Variants in MLX observed in about 807,000 individuals in gnomAD.
The protein encoded by MLX is MAX dimerization protein MLX.
In MLX, 15 loss-of-function variants were observed where a neutral mutation model predicts 33.0. The observed-to-expected ratio is 0.45, with a 90% CI of 0.30 to 0.70. The LOEUF is 0.70. MLX is among the 30% of genes least tolerant of loss of function. MLX has a pLI of 0.07. For synonymous variants in MLX, 115 were observed against 115.6 expected, an observed-to-expected ratio of 0.99 and a Z score of 0.03; for missense variants, 285 against 306.3, an observed-to-expected ratio of 0.93 and a Z score of 0.52.
chr17:42,572,587 C>T lies in MLX; in HGVS notation c.*984C>T. On this transcript the variant is annotated 3_prime_UTR_variant, in exon 8 of 8. Transcript: ENST00000435881. ...TCGTTTTATAGCAACCTCTCTCTACCCTAGTTCTCCAAATTCACTTCTGCC... is the reference window on the plus strand; with the variant it reads ...TCGTTTTATAGCAACCTCTCTCTACTCTAGTTCTCCAAATTCACTTCTGCC... The T allele has an allele frequency of 4.4e-6, 2 of 453,184 alleles. No individual in the cohort carries two copies. The highest frequency in any genetic ancestry group is 8.8e-6 in the Non-Finnish European group (2 of 226,216). 28.1% of individuals were successfully genotyped at this position (453,184 alleles called of 1,614,324 possible).
chr17:42,571,434 G>C, intron 7 of MLX, 113 bp from the exon 8 acceptor site: 1 of 1,177,490 alleles, frequency 8.5e-7, no homozygotes. Context: ...GCCCCCGGGG[G>C]GCTATTTTTA....
intron 7 of MLX, among the ~76,000 whole-genome samples, chr17:42,571,083 A>G (rs8074485): frequency 0.044 from 6,695 of 150,676 alleles, 517 homozygotes; most frequent in African/African-American, 0.16. Flanking sequence ...CCATCTCTCC[A>G]TCTTGCTTCA....
At position 42,567,152 on chromosome 17, in the gene MLX, G is replaced by A; in HGVS notation, c.28G>A (p.Asp10Asn). The A allele has an allele frequency of 7.9e-7, 1 of 1,268,786 alleles. No homozygotes were observed. The highest frequency in any genetic ancestry group is 9.9e-7 in the Non-Finnish European group (1 of 1,007,056). The allele number at this position is 1,268,786 out of a possible 1,614,324, so 78.6% of individuals were successfully genotyped here. Residue 10 changes from aspartate to asparagine, a missense_variant, in exon 1 of 8, where the codon GAC becomes AAC. Coordinates refer to ENST00000435881, the MANE Select transcript of MLX (RefSeq NM_198204.2). ...GACGGAGCCGGGCGCCTCTCCCGAGGACCCTTGGGTCAAGGCAAGCCCCGT... is the reference window on the plus strand; with the variant it reads ...GACGGAGCCGGGCGCCTCTCCCGAGAACCCTTGGGTCAAGGCAAGCCCCGT... MTEPGASPE[D>N]PWVKVEYAYS...
At position 42,569,709 on chromosome 17, in the gene MLX, ACT is replaced by A. The variant is rs1338046594; in HGVS notation, c.476+106_476+107del. On this transcript the variant is annotated intron_variant, in intron 6 of 7. Coordinates refer to ENST00000435881, the MANE Select transcript of MLX (RefSeq NM_198204.2). ...CATCAGTTACTGCTGTACAGATAATACTCTTAGTTCCTGAGCTAGCCAGTAGG... is the reference window on the plus strand; with the variant it reads ...CATCAGTTACTGCTGTACAGATAATACTTAGTTCCTGAGCTAGCCAGTAGG... 30 of 920,546 alleles carry A rather than the reference ACT, an allele frequency of 3.3e-5. No individual in the cohort carries two copies. In the Admixed American group the frequency reaches 4.2e-4, roughly 13 times the overall value. The allele number at this position is 920,546 out of a possible 1,614,324, so 57.0% of individuals were successfully genotyped here. A position where few individuals can be genotyped will look rare whatever the true frequency, so the allele number is the denominator to read the frequency against.
chr17:42,568,496 G>T lies in MLX; in HGVS notation c.106G>T (p.Gly36Trp). 2 of 1,613,962 alleles carry T rather than the reference G, an allele frequency of 1.2e-6. No individual in the cohort carries two copies. The highest frequency in any genetic ancestry group is 1.1e-5 in the South Asian group (1 of 91,052). ...PGLFVESTRK[G>W]SVVSRANSIG... ...GCTTTTTGTAGAAAGCACCCGCAAG[G>T]GGAGTGTAGTGTCCAGAGCTAATAG... Residue 36 changes from glycine (G) to tryptophan (W), a missense_variant, in exon 3 of 8, where the codon GGG becomes TGG. Transcript: ENST00000435881.
At position 42,568,557 on chromosome 17, in the gene MLX, CAGGT is replaced by C; in HGVS notation, c.169+2_169+5del. 6.2e-7 allele frequency: 1 copy of C among 1,612,866 alleles called. No individual in the cohort carries two copies. The highest frequency in any genetic ancestry group is 8.5e-7 in the Non-Finnish European group (1 of 1,178,950). On this transcript the variant is annotated splice_donor_variant and coding_sequence_variant, in exon 3 of 8. Transcript: ENST00000435881. LOFTEE classifies it high-confidence loss of function. ...ACCAGTGCCTCTTCTGTCCCCAACA[CAGGT>C]AGGCAGTAACATCCCCCCCGACCTC...
At chr17:42,568,376 T>G (rs1405416835) in intron 2 of MLX, 94 bp from the exon 3 acceptor site, 5 of 831,212 alleles carry the variant, frequency 6.0e-6, no homozygotes, top group Non-Finnish European at 7.8e-6. Flanking sequence ...AAAAAATAAA[T>G]AAATAAAAGA....
At chr17:42,568,317 C>T (rs1397338853) in intron 2 of MLX, 153 bp from the exon 3 acceptor site, 4 of 426,210 alleles carry the variant, frequency 9.4e-6, no homozygotes, top group South Asian at 8.1e-5. Context: ...GAGCCGAGAT[C>T]GCGCCACTGC....
At chr17:42,570,669 T>A (rs1181196476) in intron 7 of MLX, among the ~76,000 whole-genome samples, 3 of 152,222 alleles carry the variant, frequency 2.0e-5, no homozygotes, top group Non-Finnish European at 4.4e-5. Flanking sequence ...ACATTTTTTT[T>A]TTTGAGACGG....
Position 42,569,303 on chromosome 17 carries a change from A to C in MLX, c.376A>C (p.Thr126Pro), listed in dbSNP as rs779900314. ...KLSKAIVLQK[T>P]IDYIQFLHKE... ...CAGCAAAGCCATCGTTCTACAAAAGAGTATGGCTAGGGAAAGCACTGGAGG... is the reference window on the plus strand; with the variant it reads ...CAGCAAAGCCATCGTTCTACAAAAGCGTATGGCTAGGGAAAGCACTGGAGG... The change falls in exon 5 of 8, where the codon ACC becomes CCC. Residue 126 changes from threonine to proline, a missense_variant and splice_region_variant. Physicochemically the swap from Thr to Pro is conservative, Grantham distance 38 (BLOSUM62 -1). Coordinates refer to ENST00000435881, the MANE Select transcript of MLX (RefSeq NM_198204.2). The C allele has an allele frequency of 4.3e-6, 7 of 1,613,606 alleles. No individual in the cohort carries two copies. The highest frequency in any genetic ancestry group is 5.9e-6 in the Non-Finnish European group (7 of 1,179,556).
chr17:42,569,836 C>A, intron 6 of MLX, 146 bp from the exon 7 acceptor site: 2 of 787,206 alleles, frequency 2.5e-6, no homozygotes, highest in Admixed American at 2.3e-5. Flanking sequence ...CCTTTCCTGA[C>A]CTGGAAGCAG....
At position 42,573,158 on chromosome 17, in the gene MLX, C is replaced by T. The variant is rs774226501; in HGVS notation, c.*1555C>T. 34 of 1,614,110 alleles carry T rather than the reference C, an allele frequency of 2.1e-5. No individual in the cohort carries two copies. The highest frequency in any genetic ancestry group is 2.7e-5 in the Non-Finnish European group (32 of 1,180,046). On this transcript the variant is annotated 3_prime_UTR_variant, in exon 8 of 8. Coordinates refer to ENST00000435881, the MANE Select transcript of MLX (RefSeq NM_198204.2). ...ATCCTTCAAGTATTGCATCAGACAG[C>T]TCTGTAGCCTGACAAGAAATAAAAC... is the stretch of plus-strand genomic sequence containing the variant.
At chr17:42,570,803 G>T (rs1050818263) in intron 7 of MLX, among the ~76,000 whole-genome samples, 2 of 152,028 alleles carry the variant, frequency 1.3e-5, no homozygotes, top group Non-Finnish European at 2.9e-5. Flanking sequence ...CTACAGGCGT[G>T]TGCCACCATA....
chr17:42,568,356 C>G, intron 2 of MLX, 114 bp from the exon 3 acceptor site: 1 of 698,120 alleles, frequency 1.4e-6, no homozygotes, highest in Admixed American at 2.5e-5. Context: ...GAGCGAGACT[C>G]TGTCTAAAAA....
chr17:42,571,959 G>C lies in MLX; in HGVS notation c.*356G>C, dbSNP rs146529090. 1.0e-4 allele frequency: 30 copies of C among 293,686 alleles called. No homozygotes were observed. The highest frequency in any genetic ancestry group is 4.0e-4 in the African/African-American group (18 of 45,560). The allele number at this position is 293,686 out of a possible 1,614,324, so 18.2% of individuals were successfully genotyped here. Reference sequence around the variant, plus strand: ...TCTGCTCATGATCTACATAGATTTGGAAACTGTTTTCCTCTGTTTTGGTCT... The same window carrying C: ...TCTGCTCATGATCTACATAGATTTGCAAACTGTTTTCCTCTGTTTTGGTCT... On this transcript the variant is annotated 3_prime_UTR_variant, in exon 8 of 8. Coordinates refer to ENST00000435881, the MANE Select transcript of MLX (RefSeq NM_198204.2).
At chr17:42,568,353 ACT>A (rs969190254) in intron 2 of MLX, 115 bp from the exon 3 acceptor site, 14 of 671,572 alleles carry the variant, frequency 2.1e-5, no homozygotes, top group South Asian at 9.1e-5. Flanking sequence ...ACTGAGCGAG[ACT>A]CTGTCTAAAA....
In MLX at chr17:42,569,624, TG is replaced by T. The variant is rs746583775; in HGVS notation, c.476+24del. On this transcript the variant is annotated intron_variant, in intron 6 of 7. Transcript: ENST00000435881. Reference sequence around the variant, plus strand: ...ATGAAAGTGTAAGAGGGGTGCTGAATGGGGGGAACCAGAACTTCTGAGGCAA... The same window carrying T: ...ATGAAAGTGTAAGAGGGGTGCTGAATGGGGGAACCAGAACTTCTGAGGCAA... The T allele has an allele frequency of 6.3e-5, 100 of 1,599,864 alleles. No individual in the cohort carries two copies. The East Asian group carries it at 2.2e-3, about 36-fold the overall frequency.
intron 6 of MLX, 65 bp from the exon 7 acceptor site, chr17:42,569,917 C>A: frequency 6.8e-7 from 1 of 1,465,920 alleles, no homozygotes; most frequent in Non-Finnish European, 9.5e-7. Flanking sequence ...ACAGGATAGT[C>A]CCGTCATTCT....
At chr17:42,567,940 G>C in intron 2 of MLX, 1 of 542,490 alleles carries the variant, frequency 1.8e-6, no homozygotes, top group South Asian at 2.3e-5. Context: ...GTGAGCCAGG[G>C]GGGTATCATG....
Sources: allele counts gnomAD v4.1 joint callset (sites outside exome capture counted in the v4.1 genomes callset), GRCh38; gene constraint gnomAD v4.1.1; transcripts MANE v1.5; gene names NCBI Gene and HGNC (gene_info 2026-07-23, HGNC 2026-07-21).